The following EYA4 variants were observed in gnomAD, a reference collection of about 807,000 sequenced individuals.
EYA4 encodes protein phosphatase EYA4.
EYA4 carries 31 observed loss-of-function variants against 87.9 expected under a neutral mutation model. The ratio of observed to expected loss-of-function variants is 0.35; its 90% CI spans 0.27 to 0.48. The LOEUF is 0.48. Ranked by LOEUF, EYA4 falls within the 20% of genes least tolerant of loss-of-function variation. The pLI is 0.99. For missense variants in EYA4, 678 were observed against 761.4 expected, an observed-to-expected ratio of 0.89 and a Z score of 1.29; for synonymous variants, 263 against 270.6, an observed-to-expected ratio of 0.97 and a Z score of 0.28.
chr6:133,394,291 T>TTTTTTG (rs1787587363), intron 3 of EYA4, among the ~76,000 whole-genome samples: 1 of 28,660 alleles, frequency 3.5e-5, no homozygotes, highest in African/African-American at 5.2e-5. Flanking sequence ...TGTGTTTTTT[T>TTTTTTG]TTTTTTTTTT....
chr6:133,336,030 A>G (rs1270865503), intron 2 of EYA4, among the ~76,000 whole-genome samples: 2 of 152,170 alleles, frequency 1.3e-5, no homozygotes, highest in African/African-American at 4.8e-5. Context: ...ATCCAAAATG[A>G]TGCTTGAGGA....
intron 11 of EYA4, among the ~76,000 whole-genome samples, chr6:133,480,664 TATG>T (rs1562469816): frequency 6.6e-6 from 1 of 152,212 alleles, no homozygotes. Flanking sequence ...TACATACTGA[TATG>T]ATAACATGGA....
intron 2 of EYA4, among the ~76,000 whole-genome samples, chr6:133,311,410 C>T (rs1331266734): frequency 6.6e-6 from 1 of 152,004 alleles, no homozygotes; most frequent in Non-Finnish European, 1.5e-5. Context: ...ACTGCAGCCT[C>T]TACCTCCCAG....
chr6:133,441,231 T>A (rs1029217227), intron 3 of EYA4, among the ~76,000 whole-genome samples: 1 of 152,206 alleles, frequency 6.6e-6, no homozygotes, highest in African/African-American at 2.4e-5. Flanking sequence ...GATATCCTGG[T>A]CCTTTCTTTT....
chr6:133,379,022 G>C (rs1027961519), intron 2 of EYA4, among the ~76,000 whole-genome samples: 10 of 151,654 alleles, frequency 6.6e-5, no homozygotes, highest in Non-Finnish European at 8.8e-5. Flanking sequence ...CCCCTTGTGT[G>C]TCTTGTGAAA....
intron 2 of EYA4, among the ~76,000 whole-genome samples, chr6:133,380,880 C>G (rs758403452): frequency 3.3e-4 from 48 of 147,014 alleles, no homozygotes; most frequent in Admixed American, 6.8e-4. Flanking sequence ...TCCTCCTCTT[C>G]TTCTTCTTCC....
chr6:133,284,594 T>C (rs527613873), intron 2 of EYA4, among the ~76,000 whole-genome samples: 1 of 152,358 alleles, frequency 6.6e-6, no homozygotes, highest in East Asian at 1.9e-4. Flanking sequence ...CTAGAAACTT[T>C]GCTATACTAG....
At chr6:133,300,512 G>T (rs957379838) in intron 2 of EYA4, among the ~76,000 whole-genome samples, 1 of 151,478 alleles carries the variant, frequency 6.6e-6, no homozygotes, top group Non-Finnish European at 1.5e-5. Context: ...TATTGTTGTT[G>T]TTATTATTAT....
chr6:133,387,214 A>T (rs1786826991), intron 3 of EYA4, among the ~76,000 whole-genome samples: 1 of 152,232 alleles, frequency 6.6e-6, no homozygotes, highest in Non-Finnish European at 1.5e-5. Flanking sequence ...GTATTAAATT[A>T]TACATAGTTA....
At chr6:133,439,085 G>A (rs1018788054) in intron 3 of EYA4, among the ~76,000 whole-genome samples, 3 of 138,320 alleles carry the variant, frequency 2.2e-5, no homozygotes, top group African/African-American at 7.7e-5. Context: ...AAGTCTTTGG[G>A]TTGGGCGAGT....
intron 1 of EYA4, among the ~76,000 whole-genome samples, chr6:133,257,352 G>A (rs988104537): frequency 3.3e-5 from 5 of 152,094 alleles, no homozygotes; most frequent in Admixed American, 1.3e-4. Context: ...TTCCCCCAAC[G>A]TAGGTGAGGC....
At chr6:133,260,245 T>A (rs1775689704) in intron 1 of EYA4, among the ~76,000 whole-genome samples, 1 of 152,146 alleles carries the variant, frequency 6.6e-6, no homozygotes, top group African/African-American at 2.4e-5. Context: ...TATAATTTTT[T>A]TTTTCTTTTT....
At chr6:133,283,592 G>A (rs1306545518) in intron 2 of EYA4, among the ~76,000 whole-genome samples, 2 of 152,118 alleles carry the variant, frequency 1.3e-5, no homozygotes, top group Non-Finnish European at 2.9e-5. Flanking sequence ...CAGAGTTTAG[G>A]TATCTTATTC....
intron 2 of EYA4, among the ~76,000 whole-genome samples, chr6:133,357,774 A>G (rs1784179639): frequency 6.6e-6 from 1 of 152,202 alleles, no homozygotes; most frequent in Admixed American, 6.5e-5. Flanking sequence ...GGTTAAGGGA[A>G]GGTAAAGGGG....
At chr6:133,280,502 T>C (rs536527298) in intron 2 of EYA4, among the ~76,000 whole-genome samples, 16 of 152,236 alleles carry the variant, frequency 1.1e-4, no homozygotes, top group African/African-American at 3.9e-4. Context: ...GTTCAAGTGA[T>C]TCTCCTGCCT....
At chr6:133,426,395 C>T (rs988060522) in intron 3 of EYA4, among the ~76,000 whole-genome samples, 1 of 152,178 alleles carries the variant, frequency 6.6e-6, no homozygotes, top group Admixed American at 6.5e-5. Flanking sequence ...TGTAATATCC[C>T]AGCCAACATA....
At chr6:133,446,938 T>C (rs1792904656) in intron 4 of EYA4, among the ~76,000 whole-genome samples, 184 bp downstream of exon 4, 1 of 152,228 alleles carries the variant, frequency 6.6e-6, no homozygotes, top group African/African-American at 2.4e-5. Flanking sequence ...GCTCCTCCTG[T>C]ATAGCTGGGA....
chr6:133,409,585 C>G (rs1789026568), intron 3 of EYA4, among the ~76,000 whole-genome samples: 1 of 151,952 alleles, frequency 6.6e-6, no homozygotes, highest in Admixed American at 6.6e-5. Flanking sequence ...TGAAACATTT[C>G]AAATACAACT....
At position 133,310,406 on chromosome 6, in the gene EYA4, C is replaced by CA. The variant is rs200902820; in HGVS notation, c.33+35594dup. Among the ~76,000 whole-genome samples, 656 of 152,304 alleles carry CA rather than the reference C, an allele frequency of 4.3e-3. 1 individual carries two copies. The highest frequency in any genetic ancestry group is 0.013 in the African/African-American group (558 of 41,566). ...CATGTGTCATCTGTTACCCTCCCCA[C>CA]ATCAGCTAATCATTTGACATATAAT... On this transcript the variant is annotated intron_variant, in intron 2 of 19. Coordinates refer to ENST00000355286, the MANE Select transcript of EYA4 (RefSeq NM_004100.5).
Sources: allele counts gnomAD v4.1 joint callset (sites outside exome capture counted in the v4.1 genomes callset), GRCh38; gene constraint gnomAD v4.1.1; transcripts MANE v1.5; gene names NCBI Gene and HGNC (gene_info 2026-07-23, HGNC 2026-07-21).